The following RGS10 variants were observed in gnomAD, a reference collection of about 807,000 sequenced individuals.
The protein encoded by RGS10 is regulator of G-protein signalling 10.
Under a neutral mutation model 23.5 loss-of-function variants are expected in RGS10, and 11 were observed. The ratio of observed to expected loss-of-function variants is 0.47; its 90% CI spans 0.29 to 0.77. RGS10 has a LOEUF of 0.77. Among genes scored for constraint, RGS10 ranks in the 30% least tolerant of loss-of-function variants. RGS10 has a pLI of 0.08. For synonymous variants in RGS10, 77 were observed against 83.2 expected, an observed-to-expected ratio of 0.92 and a Z score of 0.41; for missense variants, 180 against 226.3, an observed-to-expected ratio of 0.80 and a Z score of 1.31.
Position 119,538,785 on chromosome 10 carries a change from G to A in RGS10, c.49+3805C>T, listed in dbSNP as rs971161858. On this transcript the variant is annotated intron_variant, in intron 1 of 4. Transcript: ENST00000369103. The surrounding 1 kb of genome is among the most constrained non-coding windows in gnomAD (Gnocchi z 4.5). ...GCTGCTGCCTGCTGGGGCCCCCTCCGCTCCTGCTGCCACCCGCAGGCTGCT... is the reference window on the plus strand; with the variant it reads ...GCTGCTGCCTGCTGGGGCCCCCTCCACTCCTGCTGCCACCCGCAGGCTGCT... Among the ~76,000 whole-genome samples the A allele has an allele frequency of 3.3e-5, 5 of 152,148 alleles. No homozygotes were observed. The highest frequency in any genetic ancestry group is 9.7e-5 in the African/African-American group (4 of 41,428).
At chr10:119,523,125 T>C (rs1363922358) in intron 3 of RGS10, among the ~76,000 whole-genome samples, 3 of 151,954 alleles carry the variant, frequency 2.0e-5, no homozygotes, top group Non-Finnish European at 2.9e-5. Context: ...AGTGTTATAA[T>C]TGCAGGCGTG....
At chr10:119,522,863 G>A (rs75899940) in intron 3 of RGS10, among the ~76,000 whole-genome samples, 1,716 of 149,860 alleles carry the variant, frequency 0.011, 15 homozygotes, top group Middle Eastern at 0.024. Context: ...CCTGGAGTCA[G>A]AAATGTGGCT....
chr10:119,532,733 C>T (rs970782405), intron 1 of RGS10, among the ~76,000 whole-genome samples: 4 of 152,032 alleles, frequency 2.6e-5, no homozygotes, highest in Admixed American at 1.3e-4. Flanking sequence ...CCCAGCTACT[C>T]GGGAGGCTGA....
At position 119,542,643 on chromosome 10, in the gene RGS10, G is replaced by A; in HGVS notation, c.-5C>T. 7.1e-7 allele frequency: 1 copy of A among 1,402,324 alleles called. No homozygotes were observed. Among genetic ancestry groups the A allele is most frequent in the South Asian group, 1.5e-5 (1 of 67,912 alleles). 86.9% of individuals were successfully genotyped at this position (1,402,324 alleles called of 1,614,324 possible). A position where few individuals can be genotyped will look rare whatever the true frequency, so the allele number is the denominator to read the frequency against. On this transcript the variant is annotated 5_prime_UTR_variant, in exon 1 of 5. Transcript: ENST00000369103. ...GCTCACGGCGCGGTTGAACATCGCC[G>A]CGGGCGCCCGAGGAGGAAGAAGGAG...
chr10:119,542,428 C>A (rs904944124), intron 1 of RGS10, among the ~76,000 whole-genome samples, 162 bp downstream of exon 1: 1 of 152,206 alleles, frequency 6.6e-6, no homozygotes, highest in African/African-American at 2.4e-5. Context: ...CGGCTGGGAC[C>A]GCGAAGGTGC....
At chr10:119,500,284 C>A in intron 4 of RGS10, 25 bp from the exon 5 acceptor site, 5 of 1,598,770 alleles carry the variant, frequency 3.1e-6, no homozygotes, top group African/African-American at 1.4e-5. Context: ...AAAAAAGAGT[C>A]TGAAGGCTGA....
intron 4 of RGS10, among the ~76,000 whole-genome samples, chr10:119,513,427 TC>T (rs1352189352): frequency 1.7e-4 from 26 of 151,698 alleles, no homozygotes; most frequent in Middle Eastern, 6.8e-3. Context: ...GCCACTGTGC[TC>T]CAACCAGGGC....
chr10:119,520,696 A>G lies in RGS10; in HGVS notation c.256-5044T>C, dbSNP rs1455948352. 3.3e-5 allele frequency among the ~76,000 whole-genome samples: 5 copies of G among 152,170 alleles called. No individual in the cohort carries two copies. The South Asian group carries it at 8.3e-4, about 25-fold the overall frequency. On this transcript the variant is annotated intron_variant, in intron 3 of 4. Coordinates refer to ENST00000369103, the MANE Select transcript of RGS10 (RefSeq NM_001005339.2). ...TTAGAAATATGTTTAGTTCAGGAAC[A>G]TATCAGGCTTATGGCCCCCCAGGAA...
At chr10:119,514,854 C>T (rs1303851777) in intron 4 of RGS10, among the ~76,000 whole-genome samples, 2 of 152,086 alleles carry the variant, frequency 1.3e-5, no homozygotes, top group East Asian at 1.9e-4. Flanking sequence ...GCTACAGTCA[C>T]AAAAACTGCC....
chr10:119,530,482 A>C (rs1345666593), intron 1 of RGS10, among the ~76,000 whole-genome samples: 1 of 152,116 alleles, frequency 6.6e-6, no homozygotes, highest in African/African-American at 2.4e-5. Flanking sequence ...TGATCTCAGG[A>C]GTTCAAGACC....
chr10:119,541,710 G>T (rs10886509), intron 1 of RGS10, among the ~76,000 whole-genome samples: 9,978 of 152,280 alleles, frequency 0.066, 445 homozygotes, highest in Middle Eastern at 0.092. Flanking sequence ...GGGGAACCTG[G>T]GTTTGAAAGC....
At chr10:119,506,376 C>CT (rs778728821) in intron 4 of RGS10, among the ~76,000 whole-genome samples, 23 of 152,358 alleles carry the variant, frequency 1.5e-4, no homozygotes, top group Admixed American at 4.6e-4. Flanking sequence ...GGCTCTCCAG[C>CT]TTCACGACAG....
chr10:119,516,808 C>A (rs1427891346), intron 3 of RGS10, among the ~76,000 whole-genome samples: 1 of 152,196 alleles, frequency 6.6e-6, no homozygotes, highest in Non-Finnish European at 1.5e-5. Context: ...GGGCTGCAGG[C>A]GCAGGAGCCC....
At chr10:119,518,512 T>C (rs1844171765) in intron 3 of RGS10, among the ~76,000 whole-genome samples, 1 of 152,116 alleles carries the variant, frequency 6.6e-6, no homozygotes, top group Non-Finnish European at 1.5e-5. Context: ...AGAAGCAAAT[T>C]CACTTTCCTA....
In RGS10 at chr10:119,538,129, G is replaced by A. The variant is rs1304379979; in HGVS notation, c.49+4461C>T. On this transcript the variant is annotated intron_variant, in intron 1 of 4. Transcript: ENST00000369103. This position sits in a 1 kb window ranked among gnomAD's most constrained non-coding sequence, Gnocchi z 4.5. Reference sequence around the variant, plus strand: ...TGACTACAGAAAAGAAGGAAGGGAGGGAAGGAGGGAGGGAAGAAGGAAGGG... The same window carrying A: ...TGACTACAGAAAAGAAGGAAGGGAGAGAAGGAGGGAGGGAAGAAGGAAGGG... Among the ~76,000 whole-genome samples the A allele has an allele frequency of 1.3e-5, 2 of 152,126 alleles. No individual in the cohort carries two copies. The highest frequency in any genetic ancestry group is 2.9e-5 in the Non-Finnish European group (2 of 68,022).
intron 1 of RGS10, among the ~76,000 whole-genome samples, chr10:119,532,643 C>A (rs975988579): frequency 6.6e-6 from 1 of 152,146 alleles, no homozygotes; most frequent in Non-Finnish European, 1.5e-5. Context: ...AGTTCGAGAT[C>A]AGCCTGGCCA....
chr10:119,508,141 G>A (rs1844036437), intron 4 of RGS10, among the ~76,000 whole-genome samples: 1 of 152,024 alleles, frequency 6.6e-6, no homozygotes, highest in Non-Finnish European at 1.5e-5. Context: ...GAGAATACAG[G>A]CGTGCACCAC....
intron 4 of RGS10, among the ~76,000 whole-genome samples, chr10:119,502,843 G>A (rs1843967520): frequency 6.6e-6 from 1 of 152,228 alleles, no homozygotes. Flanking sequence ...CATCTCCCGT[G>A]CTGCTGCAGT....
chr10:119,508,100 C>A (rs1038800462), intron 4 of RGS10, among the ~76,000 whole-genome samples: 1 of 152,060 alleles, frequency 6.6e-6, no homozygotes, highest in African/African-American at 2.4e-5. Flanking sequence ...CGGGTTCAAG[C>A]GATTTTCCTG....
Sources: gnomAD v4.1 joint callset for allele counts (sites outside exome capture counted in the v4.1 genomes callset) on GRCh38, gnomAD v4.1.1 for gene constraint, Gnocchi (gnomAD v3.1) non-coding constraint, MANE v1.5 for transcripts, NCBI Gene and HGNC (gene_info 2026-07-23, HGNC 2026-07-21) for gene names.